The following NEK5 variants were observed in gnomAD, a reference collection of about 807,000 sequenced individuals.
NEK5 encodes the protein NIMA related kinase 5, also known as serine/threonine-protein kinase Nek5.
In NEK5, 88 loss-of-function variants were observed where a neutral mutation model predicts 109.2. That is an observed-to-expected ratio of 0.81 (90% CI 0.68 to 0.96). NEK5 has a LOEUF of 0.96. NEK5 is among the 40% of genes least tolerant of loss of function. The pLI is 0.00. For synonymous variants in NEK5, 283 were observed against 299.9 expected, an observed-to-expected ratio of 0.94 and a Z score of 0.58; for missense variants, 834 against 920.7, an observed-to-expected ratio of 0.91 and a Z score of 1.22.
intron 22 of NEK5, 124 bp downstream of exon 22, chr13:52,061,695 A>G (rs1954615731): frequency 4.6e-6 from 1 of 218,302 alleles, no homozygotes; most frequent in Non-Finnish European, 7.8e-6. Context: ...CAGCTTCTGA[A>G]AAGGCTAGAC....
At chr13:52,102,732 A>T (rs192354350) in intron 9 of NEK5, among the ~76,000 whole-genome samples, 4 of 152,212 alleles carry the variant, frequency 2.6e-5, no homozygotes, top group African/African-American at 7.2e-5. Context: ...TCCACCTTAA[A>T]TTGTTTTCAT....
At chr13:52,087,861 G>C (rs1440062910) in intron 14 of NEK5, among the ~76,000 whole-genome samples, 1 of 151,412 alleles carries the variant, frequency 6.6e-6, no homozygotes, top group Non-Finnish European at 1.5e-5. Flanking sequence ...TCCTGACCTC[G>C]TGATCTGCCC....
intron 21 of NEK5, 128 bp downstream of exon 21, chr13:52,065,356 T>C: frequency 1.5e-6 from 2 of 1,303,134 alleles, no homozygotes; most frequent in Non-Finnish European, 2.2e-6. Flanking sequence ...AACAACATAT[T>C]TGAAAGTGTC....
At chr13:52,108,478 G>T in intron 7 of NEK5, 74 bp from the exon 8 acceptor site, 1 of 905,228 alleles carries the variant, frequency 1.1e-6, no homozygotes, top group Non-Finnish European at 1.7e-6. Context: ...ACATGGACAT[G>T]CAAGAAAAAA....
intron 8 of NEK5, 145 bp downstream of exon 8, chr13:52,108,173 G>T: frequency 1.7e-6 from 1 of 575,282 alleles, no homozygotes; most frequent in Non-Finnish European, 3.0e-6. Context: ...GTTTGGTCCA[G>T]AACAATTTCA....
At chr13:52,082,047 G>A (rs1955022712) in intron 17 of NEK5, among the ~76,000 whole-genome samples, 1 of 152,228 alleles carries the variant, frequency 6.6e-6, no homozygotes, top group South Asian at 2.1e-4. Flanking sequence ...CAGGCGGGGT[G>A]GCTCATGCCT....
intron 21 of NEK5, among the ~76,000 whole-genome samples, chr13:52,063,652 C>T (rs1440119076): frequency 9.4e-5 from 14 of 148,956 alleles, no homozygotes; most frequent in African/African-American, 2.7e-4. Flanking sequence ...GGCCACCCAT[C>T]GTCTGAGATG....
At chr13:52,110,005 C>A (rs1374712019) in intron 7 of NEK5, among the ~76,000 whole-genome samples, 1 of 152,152 alleles carries the variant, frequency 6.6e-6, no homozygotes, top group Non-Finnish European at 1.5e-5. Context: ...CAGAATAAAT[C>A]TCTTCAAATA....
intron 11 of NEK5, among the ~76,000 whole-genome samples, chr13:52,101,355 G>A (rs1192081450): frequency 2.6e-5 from 4 of 151,886 alleles, no homozygotes; most frequent in South Asian, 4.2e-4. Context: ...AGCAGAGATC[G>A]CGCCATTGCA....
chr13:52,078,377 C>A (rs1954905598), intron 17 of NEK5, among the ~76,000 whole-genome samples: 1 of 152,052 alleles, frequency 6.6e-6, no homozygotes, highest in Admixed American at 6.5e-5. Flanking sequence ...CGACAGAAAG[C>A]AGATCCGTGA....
intron 17 of NEK5, among the ~76,000 whole-genome samples, chr13:52,082,745 G>A (rs1243073090): frequency 6.6e-6 from 1 of 152,168 alleles, no homozygotes; most frequent in Non-Finnish European, 1.5e-5. Flanking sequence ...ATACTAAATA[G>A]CAGCAGTTCT....
intron 13 of NEK5, among the ~76,000 whole-genome samples, chr13:52,089,810 A>AC (rs1245094083): frequency 6.6e-5 from 10 of 152,004 alleles, no homozygotes; most frequent in Non-Finnish European, 1.5e-4. Flanking sequence ...ACATGGTGAA[A>AC]CCCCGTCTCT....
chr13:52,089,151 G>T, intron 14 of NEK5, 96 bp downstream of exon 14: 1 of 775,352 alleles, frequency 1.3e-6, no homozygotes, highest in South Asian at 1.6e-5. Flanking sequence ...GAGTATTCTT[G>T]ACCTTCTGGT....
At chr13:52,121,368 C>T (rs1013241726) in intron 3 of NEK5, among the ~76,000 whole-genome samples, 7 of 152,098 alleles carry the variant, frequency 4.6e-5, no homozygotes, top group African/African-American at 1.7e-4. Context: ...CCATGTTGCC[C>T]AGGCTGCTCT....
chr13:52,073,500 A>G (rs1954815061), intron 19 of NEK5, among the ~76,000 whole-genome samples: 1 of 152,034 alleles, frequency 6.6e-6, no homozygotes, highest in Non-Finnish European at 1.5e-5. Flanking sequence ...TATTTTTAGT[A>G]GAGATGGGGT....
chr13:52,116,802 G>A (rs143360241), intron 4 of NEK5, among the ~76,000 whole-genome samples: 24 of 152,278 alleles, frequency 1.6e-4, no homozygotes, highest in East Asian at 3.9e-4. Flanking sequence ...GCATATAACA[G>A]ACACTTAGTG....
chr13:52,036,251 C>T lies in NEK5; in HGVS notation c.*697G>A, dbSNP rs1954360646. The T allele has an allele frequency of 6.6e-6, 1 of 152,246 alleles. No homozygotes were observed. The highest frequency in any genetic ancestry group is 1.5e-5 in the Non-Finnish European group (1 of 68,100). 9.4% of individuals were successfully genotyped at this position (152,246 alleles called of 1,614,324 possible). On this transcript the variant is annotated 3_prime_UTR_variant, in exon 24 of 24. Transcript: ENST00000684899. ...TGGTTTTCTCTTTTGTCTTCCTCTT[C>T]CACTTGTAAGGACCCTTGTGATTAC...
chr13:52,104,324 C>G (rs1002653446), intron 9 of NEK5, among the ~76,000 whole-genome samples, 174 bp downstream of exon 9: 5 of 152,186 alleles, frequency 3.3e-5, no homozygotes, highest in Non-Finnish European at 5.9e-5. Context: ...GGACTTTTTA[C>G]TTTATAATAT....
intron 22 of NEK5, among the ~76,000 whole-genome samples, chr13:52,050,611 C>CT (rs33996599): frequency 0.61 from 82,563 of 134,560 alleles, 25,213 homozygotes; most frequent in Middle Eastern, 0.72. Flanking sequence ...ACACCTTCAT[C>CT]TTTTTTTTTT....
Sources: allele counts gnomAD v4.1 joint callset (sites outside exome capture counted in the v4.1 genomes callset), GRCh38; gene constraint gnomAD v4.1.1; transcripts MANE v1.5; gene names NCBI Gene and HGNC (gene_info 2026-07-23, HGNC 2026-07-21).